The following PARG variants were observed in gnomAD, a reference collection of about 807,000 sequenced individuals.
PARG encodes mitochondrial poly(ADP-ribose) glycohydrolase.
Under a neutral mutation model 113.0 loss-of-function variants are expected in PARG, and 35 were observed. That is an observed-to-expected ratio of 0.31 (90% CI 0.24 to 0.41). The LOEUF (loss-of-function observed/expected upper bound fraction) is 0.41, where lower values mean the gene tolerates loss of function less well. PARG is among the 10% of genes least tolerant of loss of function. PARG has a pLI of 1.00. For synonymous variants in PARG, 330 were observed against 409.9 expected (o/e 0.81, Z 2.36); for missense variants, 797 against 1,169.4 (o/e 0.68, Z 4.64).
intron 14 of PARG, among the ~76,000 whole-genome samples, 200 bp downstream of exon 14, chr10:49,843,353 AT>A (rs1158641604): frequency 6.6e-6 from 1 of 152,198 alleles, no homozygotes; most frequent in Non-Finnish European, 1.5e-5. Context: ...TTTTGGTTTT[AT>A]CTTCTCTGTT....
chr10:49,911,561 A>G (rs1837184326), intron 7 of PARG, among the ~76,000 whole-genome samples: 1 of 152,254 alleles, frequency 6.6e-6, no homozygotes, highest in Non-Finnish European at 1.5e-5. Context: ...AAAACACTAA[A>G]TAACAGCCAT....
intron 7 of PARG, among the ~76,000 whole-genome samples, chr10:49,907,260 T>C (rs868958550): frequency 4.6e-5 from 7 of 152,176 alleles, no homozygotes; most frequent in Non-Finnish European, 7.3e-5. Context: ...TAACACACTA[T>C]AAAGAAAAAT....
chr10:49,937,640 A>G (rs1360987842), intron 1 of PARG, among the ~76,000 whole-genome samples: 17 of 152,206 alleles, frequency 1.1e-4, no homozygotes, highest in Non-Finnish European at 7.3e-5. Context: ...TACTCCTGTG[A>G]TAAGTCTACA....
At position 49,824,303 on chromosome 10, in the gene PARG, G is replaced by A. The variant is rs547361209; in HGVS notation, c.2648-4010C>T. 5.3e-5 allele frequency among the ~76,000 whole-genome samples: 8 copies of A among 150,904 alleles called. No individual in the cohort carries two copies. In the South Asian group the frequency reaches 1.7e-3, roughly 32 times the overall value. ...TGTCTACAACACCCCCAAGATCTTT[G>A]CAAATCTACACAATTATGCCTCATG... On this transcript the variant is annotated intron_variant, in intron 16 of 17. Transcript: ENST00000616448.
Position 49,888,750 on chromosome 10 carries a change from G to C in PARG, c.1738-3455C>G, listed in dbSNP as rs190913565. The stretch of plus-strand genomic sequence containing the variant: ...TTTTGGTCAGCTTCTTGAATCTGTA[G>C]ATTTATGACTTTTGTCAAATTTTGG... On this transcript the variant is annotated intron_variant, in intron 7 of 17. Coordinates refer to ENST00000616448, the MANE Select transcript of PARG (RefSeq NM_003631.5). Among the ~76,000 whole-genome samples the C allele has an allele frequency of 1.7e-3, 256 of 152,218 alleles. 3 individuals carry two copies. Among genetic ancestry groups the C allele is most frequent in the African/African-American group, 5.9e-3 (247 of 41,534 alleles).
At chr10:49,850,545 T>G (rs540147042) in intron 13 of PARG, among the ~76,000 whole-genome samples, 1 of 152,232 alleles carries the variant, frequency 6.6e-6, no homozygotes, top group African/African-American at 2.4e-5. Flanking sequence ...TCTACTTGCC[T>G]GATAGGAACC....
intron 17 of PARG, 108 bp downstream of exon 17, chr10:49,820,057 C>T (rs1196505343): frequency 1.3e-6 from 1 of 742,880 alleles, no homozygotes; most frequent in African/African-American, 1.8e-5. Flanking sequence ...TAGAGCCATG[C>T]TTTTGTTTCT....
At chr10:49,925,455 C>A (rs1160350113) in intron 4 of PARG, among the ~76,000 whole-genome samples, 1 of 152,152 alleles carries the variant, frequency 6.6e-6, no homozygotes, top group South Asian at 2.1e-4. Flanking sequence ...GCCTGCTGGA[C>A]CAAATCAATA....
intron 13 of PARG, among the ~76,000 whole-genome samples, chr10:49,856,571 T>C (rs1846000304): frequency 6.6e-6 from 1 of 152,246 alleles, no homozygotes; most frequent in Non-Finnish European, 1.5e-5. Flanking sequence ...TTCTTATATT[T>C]ACACAATGTC....
rs568362761 is a variant in PARG at position 49,892,807 on chromosome 10, C to A, written c.1738-7512G>T. ...ATCAGCAACTAGAGTTCACGCCAGG[C>A]ACGGTGGCTCACCCCTGTGATCCCA... On this transcript the variant is annotated intron_variant, in intron 7 of 17. Transcript: ENST00000616448. 4.6e-5 allele frequency among the ~76,000 whole-genome samples: 7 copies of A among 152,298 alleles called. No homozygotes were observed. The South Asian group carries it at 1.5e-3, about 32-fold the overall frequency.
At chr10:49,869,219 T>C (rs1377118480) in intron 10 of PARG, among the ~76,000 whole-genome samples, 1 of 152,062 alleles carries the variant, frequency 6.6e-6, no homozygotes, top group Non-Finnish European at 1.5e-5. Context: ...GAAAATCTTT[T>C]GATGTATATT....
chr10:49,839,909 C>T (rs528135349), intron 15 of PARG, among the ~76,000 whole-genome samples: 365 of 152,238 alleles, frequency 2.4e-3, no homozygotes, highest in Non-Finnish European at 3.9e-3. Context: ...TCCTCTTGAC[C>T]GTGTGACAAA....
intron 7 of PARG, among the ~76,000 whole-genome samples, chr10:49,913,191 G>A (rs1564652251): frequency 1.3e-5 from 2 of 152,220 alleles, no homozygotes; most frequent in East Asian, 1.9e-4. Context: ...TAAAGTTCTA[G>A]AATAATATCT....
chr10:49,902,679 A>G lies in PARG; in HGVS notation c.1737+13238T>C, dbSNP rs1848397953. ...GTCCTCTAGAAACTTACTACTTTTT[A>G]GGGTAAAAATGCTACACAACAACTA... On this transcript the variant is annotated intron_variant, in intron 7 of 17. Coordinates refer to ENST00000616448, the MANE Select transcript of PARG (RefSeq NM_003631.5). 3.3e-5 allele frequency among the ~76,000 whole-genome samples: 5 copies of G among 152,232 alleles called. No homozygotes were observed. In the South Asian group the frequency reaches 1.0e-3, roughly 32 times the overall value.
chr10:49,915,879 T>C (rs1837443857), intron 7 of PARG, 38 bp downstream of exon 7: 2 of 1,045,752 alleles, frequency 1.9e-6, no homozygotes, highest in East Asian at 5.2e-5. Context: ...TATTGAGTTG[T>C]CAATAATATT....
chr10:49,862,444 T>C (rs1417256082), intron 11 of PARG, among the ~76,000 whole-genome samples: 4 of 151,978 alleles, frequency 2.6e-5, no homozygotes, highest in Non-Finnish European at 5.9e-5. Context: ...ATTATATTTT[T>C]AGAAAATAGT....
At chr10:49,903,953 G>A (rs1474643284) in intron 7 of PARG, among the ~76,000 whole-genome samples, 1 of 152,148 alleles carries the variant, frequency 6.6e-6, no homozygotes, top group African/African-American at 2.4e-5. Context: ...GATTTGAAGG[G>A]ATCAACTGCA....
intron 10 of PARG, 143 bp from the exon 11 acceptor site, chr10:49,865,524 C>T (rs1846464195): frequency 2.6e-6 from 1 of 387,572 alleles, no homozygotes; most frequent in Non-Finnish European, 4.7e-6. Flanking sequence ...ATAAAACTAA[C>T]CAGGAAATAC....
intron 3 of PARG, among the ~76,000 whole-genome samples, chr10:49,932,946 A>G (rs1270727522): frequency 1.3e-5 from 2 of 152,226 alleles, no homozygotes; most frequent in African/African-American, 4.8e-5. Flanking sequence ...TACCAAAAGG[A>G]AACTCATGAA....
Sources: gnomAD v4.1 joint callset for allele counts (sites outside exome capture counted in the v4.1 genomes callset) on GRCh38, gnomAD v4.1.1 for gene constraint, MANE v1.5 for transcripts, NCBI Gene and HGNC (gene_info 2026-07-23, HGNC 2026-07-21) for gene names.